Variants in ABHD8 observed in about 807,000 individuals in gnomAD.
ABHD8 encodes the protein protein ABHD8.
ABHD8 carries 10 observed loss-of-function variants against 29.3 expected under a neutral mutation model. The observed-to-expected ratio is 0.34, with a 90% CI of 0.21 to 0.58. The LOEUF is 0.58. Among genes scored for constraint, ABHD8 ranks in the 20% least tolerant of loss-of-function variants. ABHD8 has a pLI of 0.85. For synonymous variants in ABHD8, 282 were observed against 274.6 expected (o/e 1.03, Z -0.27); for missense variants, 556 against 615.3 (o/e 0.90, Z 1.02).
At position 17,295,090 on chromosome 19, in the gene ABHD8, A is replaced by ATTTTTTTT. The variant is rs779607230; in HGVS notation, c.762-253_762-246dup. Among the ~76,000 whole-genome samples the ATTTTTTTT allele has an allele frequency of 6.2e-4, 50 of 80,416 alleles. 7 individuals carry two copies. Among genetic ancestry groups the ATTTTTTTT allele is most frequent in the African/African-American group, 2.2e-3 (44 of 20,340 alleles). 52.8% of individuals were successfully genotyped at this position (80,416 alleles called of 152,430 possible). ...AGGCGCACACCACCACACCCAGGTA[A>ATTTTTTTT]TTTTTTTTTTTTTTTTTTTTTTTTT... is the stretch of plus-strand genomic sequence containing the variant. On this transcript the variant is annotated intron_variant, in intron 2 of 4. Transcript: ENST00000247706.
In ABHD8 at chr19:17,292,357, T is replaced by G. The variant is rs1172155441; in HGVS notation, c.*304A>C. The G allele has an allele frequency of 6.9e-6, 3 of 432,410 alleles. No homozygotes were observed. The highest frequency in any genetic ancestry group is 1.2e-5 in the Non-Finnish European group (3 of 245,546). The allele number at this position is 432,410 out of a possible 1,614,324, so 26.8% of individuals were successfully genotyped here. On this transcript the variant is annotated 3_prime_UTR_variant, in exon 5 of 5. Coordinates refer to ENST00000247706, the MANE Select transcript of ABHD8 (RefSeq NM_024527.5). ...AAGACAGCGGGGTGGGGGGCCTGCC[T>G]TGGCCGTGGCGTTGGGGGGAAGGTG...
At chr19:17,300,808 T>C in intron 2 of ABHD8, 48 bp downstream of exon 2, 2 of 1,540,448 alleles carry the variant, frequency 1.3e-6, no homozygotes, top group Non-Finnish European at 1.8e-6. Context: ...CTGTAGTCCC[T>C]GCTGACCCCA....
rs1181107717 is a variant in ABHD8 at position 17,292,801 on chromosome 19, C to T, written c.1180G>A (p.Asp394Asn). 6.2e-7 allele frequency: 1 copy of T among 1,612,776 alleles called. No homozygotes were observed. The highest frequency in any genetic ancestry group is 8.5e-7 in the Non-Finnish European group (1 of 1,179,436). The change falls in exon 5 of 5, where the codon GAC (aspartate) becomes AAC (asparagine). Residue 394 changes from aspartate (D) to asparagine (N), a missense_variant. Transcript: ENST00000247706. ...AGCATCACCATGTGGCTGCCCTCGT[C>T]GATGAGCTTCAGGAATGCCAGGAGC... is the stretch of plus-strand genomic sequence containing the variant. ...ILLLAFLKLI[D>N]EGSHMVMLEC...
In ABHD8 at chr19:17,301,593, AC is replaced by A; in HGVS notation, c.23del (p.Gly8ValfsTer29). 1 of 1,564,966 alleles carries A rather than the reference AC, an allele frequency of 6.4e-7. No homozygotes were observed. The highest frequency in any genetic ancestry group is 8.7e-7 in the Non-Finnish European group (1 of 1,155,826). Reference sequence around the variant, plus strand: ...GCGTGCCCAGCAGGCAACAGAAGATACCGTCGGTCACCCCGGTCAGCATGGT... The same window carrying A: ...GCGTGCCCAGCAGGCAACAGAAGATACGTCGGTCACCCCGGTCAGCATGGT... Reference protein sequence around the residue: MLTGVTDGIFCCLLGTPP... With the variant: MLTGVTDXIFCCLLGTPP... On this transcript the variant is annotated frameshift_variant, in exon 2 of 5. Transcript: ENST00000247706. LOFTEE classifies it high-confidence loss of function.
intron 2 of ABHD8, among the ~76,000 whole-genome samples, chr19:17,298,865 C>G (rs943159847): frequency 6.6e-6 from 1 of 151,630 alleles, no homozygotes; most frequent in South Asian, 2.1e-4. Context: ...CTCACACCCC[C>G]GAGTAGCTGG....
intron 2 of ABHD8, 80 bp downstream of exon 2, chr19:17,300,776 C>A: frequency 6.7e-7 from 1 of 1,495,650 alleles, no homozygotes. Context: ...CGGGGCTCAG[C>A]CAAAAACTCA....
chr19:17,292,341 G>A lies in ABHD8; in HGVS notation c.*320C>T. The A allele has an allele frequency of 2.4e-6, 1 of 420,176 alleles. No individual in the cohort carries two copies. The allele number at this position is 420,176 out of a possible 1,614,324, so 26.0% of individuals were successfully genotyped here. On this transcript the variant is annotated 3_prime_UTR_variant, in exon 5 of 5. Transcript: ENST00000247706. Reference sequence around the variant, plus strand: ...AGCACGGCTGACACGGAAGACAGCGGGGTGGGGGGCCTGCCTTGGCCGTGG... The same window carrying A: ...AGCACGGCTGACACGGAAGACAGCGAGGTGGGGGGCCTGCCTTGGCCGTGG...
In ABHD8 at chr19:17,294,804, A is replaced by C. The variant is rs1391269580; in HGVS notation, c.803T>G (p.Leu268Arg). The C allele has an allele frequency of 1.2e-6, 2 of 1,614,220 alleles. No individual in the cohort carries two copies. The highest frequency in any genetic ancestry group is 1.7e-6 in the Non-Finnish European group (2 of 1,180,046). ...ATTGATCATGATCACCTTGTGCACT[A>C]GGTCTGGGTACTCATGTGCCAGGAA... ...CTFLAHEYPD[L>R]VHKVIMINGG... Residue 268 changes from leucine to arginine, a missense_variant, in exon 3 of 5, where the codon CTA (leucine) becomes CGA (arginine). By Grantham distance (102) the Leu-to-Arg change is moderately radical (BLOSUM62 -2). Coordinates refer to ENST00000247706, the MANE Select transcript of ABHD8 (RefSeq NM_024527.5).
Position 17,292,221 on chromosome 19 carries a change from T to A in ABHD8, c.*440A>T. The A allele has an allele frequency of 4.0e-5, 8 of 198,630 alleles. No individual in the cohort carries two copies. Among genetic ancestry groups the A allele is most frequent in the South Asian group, 1.7e-4 (1 of 5,948 alleles). 12.3% of individuals were successfully genotyped at this position (198,630 alleles called of 1,614,324 possible). ...CCCATCCCCCCCCCTTGGGCAAAAA[T>A]AGCTCCCAGCGCCGAGGAATGGGGG... On this transcript the variant is annotated 3_prime_UTR_variant, in exon 5 of 5. Coordinates refer to ENST00000247706, the MANE Select transcript of ABHD8 (RefSeq NM_024527.5).
intron 2 of ABHD8, among the ~76,000 whole-genome samples, chr19:17,299,030 C>G (rs1414627024): frequency 1.3e-5 from 2 of 152,176 alleles, no homozygotes; most frequent in African/African-American, 4.8e-5. Context: ...GCGTAAGCCA[C>G]TGCACCTGGC....
rs2074074429 is a variant in ABHD8 at position 17,292,430 on chromosome 19, G to GAAA, written c.*230_*231insTTT. 1.9e-6 allele frequency: 1 copy of GAAA among 531,546 alleles called. No individual in the cohort carries two copies. 32.9% of individuals were successfully genotyped at this position (531,546 alleles called of 1,614,324 possible). ...CATCTTCCGTGAGGGTCCCGGCTGC[G>GAAA]GCCCCAAAACGCCGATGGGCCCCGC... On this transcript the variant is annotated 3_prime_UTR_variant, in exon 5 of 5. Transcript: ENST00000247706.
Position 17,301,527 on chromosome 19 carries a change from G to A in ABHD8, c.90C>T (p.Ser30=), listed in dbSNP as rs753140950. 1.9e-6 allele frequency: 3 copies of A among 1,610,324 alleles called. No homozygotes were observed. Among genetic ancestry groups the A allele is most frequent in the Non-Finnish European group, 8.5e-7 (1 of 1,178,912 alleles). The change falls in exon 2 of 5, where the codon AGC becomes AGT. Residue 30 remains serine, a synonymous_variant. Coordinates refer to ENST00000247706, the MANE Select transcript of ABHD8 (RefSeq NM_024527.5). Reference sequence around the variant, plus strand: ...TGACCTCTACAAAGGTGTAGCCATCGCTGGACTCGACGCTCTCCAGTGGCC... The same window carrying A: ...TGACCTCTACAAAGGTGTAGCCATCACTGGACTCGACGCTCTCCAGTGGCC... The part of the protein sequence containing the change: ...AVGPLESVES[S]DGYTFVEVKP...
Position 17,301,057 on chromosome 19 carries a change from G to C in ABHD8, c.560C>G (p.Ser187Cys). ...VLFFIHGVGG[S>C]LAIWKEQLDF... Reference sequence around the variant, plus strand: ...CAGCTGCTCCTTCCAGATGGCCAGGGAACCGCCGACACCATGGATGAAAAA... The same window carrying C: ...CAGCTGCTCCTTCCAGATGGCCAGGCAACCGCCGACACCATGGATGAAAAA... The change falls in exon 2 of 5, where the codon TCC becomes TGC. Residue 187 changes from serine to cysteine, a missense_variant. This residue lies in a region of ABHD8 where 270 missense variants were observed against 353.9 expected (regional missense o/e 0.76). Coordinates refer to ENST00000247706, the MANE Select transcript of ABHD8 (RefSeq NM_024527.5). 1 of 1,613,498 alleles carries C rather than the reference G, an allele frequency of 6.2e-7. No homozygotes were observed. The highest frequency in any genetic ancestry group is 8.5e-7 in the Non-Finnish European group (1 of 1,180,026).
rs2074073662 is a variant in ABHD8, at chr19:17,292,280, C to A, written c.*381G>T. 5.9e-6 allele frequency: 2 copies of A among 336,308 alleles called. No homozygotes were observed. Among genetic ancestry groups the A allele is most frequent in the South Asian group, 2.3e-4 (2 of 8,522 alleles). The allele number at this position is 336,308 out of a possible 1,614,324, so 20.8% of individuals were successfully genotyped here. On this transcript the variant is annotated 3_prime_UTR_variant, in exon 5 of 5. Transcript: ENST00000247706. ...GGTCTCGGATAACGGGATGGGGCCTCGAGGGTCCCTGTGGGGCTCGTGGGT... is the reference window on the plus strand; with the variant it reads ...GGTCTCGGATAACGGGATGGGGCCTAGAGGGTCCCTGTGGGGCTCGTGGGT...
chr19:17,292,465 G>T lies in ABHD8; in HGVS notation c.*196C>A. The T allele has an allele frequency of 1.6e-6, 1 of 623,976 alleles. No individual in the cohort carries two copies. The highest frequency in any genetic ancestry group is 2.6e-6 in the Non-Finnish European group (1 of 392,062). 38.7% of individuals were successfully genotyped at this position (623,976 alleles called of 1,614,324 possible). On this transcript the variant is annotated 3_prime_UTR_variant, in exon 5 of 5. Transcript: ENST00000247706. Reference sequence around the variant, plus strand: ...CGCCGATGGGCCCCGCGGGACGGAAGCGGAGAGCGGAATGTCCGCTGGGCT... The same window carrying T: ...CGCCGATGGGCCCCGCGGGACGGAATCGGAGAGCGGAATGTCCGCTGGGCT...
At chr19:17,293,013 ACCCAACTAGTATTCAGG>A (rs1383022290) in intron 4 of ABHD8, among the ~76,000 whole-genome samples, 182 bp from the exon 5 acceptor site, 1 of 151,980 alleles carries the variant, frequency 6.6e-6, no homozygotes, top group African/African-American at 2.4e-5. Context: ...CCCTGCTGGA[ACCCAACTAGTATTCAGG>A]CATCCAGCAT....
rs978106114 is a variant in ABHD8 at position 17,292,558 on chromosome 19, G to C, written c.*103C>G. Reference sequence around the variant, plus strand: ...CCCTGACCTGGCCCCGCCCACCGGAGCGAACGGCCCGCCCAGGTGGTCTGC... The same window carrying C: ...CCCTGACCTGGCCCCGCCCACCGGACCGAACGGCCCGCCCAGGTGGTCTGC... On this transcript the variant is annotated 3_prime_UTR_variant, in exon 5 of 5. Transcript: ENST00000247706. 7.5e-7 allele frequency: 1 copy of C among 1,324,660 alleles called. No homozygotes were observed. Among genetic ancestry groups the C allele is most frequent in the African/African-American group, 1.5e-5 (1 of 65,080 alleles). The allele number at this position is 1,324,660 out of a possible 1,614,324, so 82.1% of individuals were successfully genotyped here.
chr19:17,295,057 GAGATTGC>G (rs935310956), intron 2 of ABHD8, among the ~76,000 whole-genome samples: 6 of 149,018 alleles, frequency 4.0e-5, no homozygotes, highest in African/African-American at 1.5e-4. Flanking sequence ...CCGAGTAGCT[GAGATTGC>G]AGGCGCACAC....
At chr19:17,296,950 C>T (rs1473430167) in intron 2 of ABHD8, among the ~76,000 whole-genome samples, 1 of 152,198 alleles carries the variant, frequency 6.6e-6, no homozygotes, top group East Asian at 1.9e-4. Context: ...CCACCTTGGC[C>T]TCCCAAAGTG....
Sources: gnomAD v4.1 joint callset for allele counts (sites outside exome capture counted in the v4.1 genomes callset) on GRCh38, gnomAD v4.1.1 for gene constraint, gnomAD v4.1.1 regional missense constraint, MANE v1.5 for transcripts, NCBI Gene and HGNC (gene_info 2026-07-23, HGNC 2026-07-21) for gene names.